FBXO42: variants seen among roughly 807,000 people sequenced by gnomAD.
FBXO42 encodes the protein F-box protein 42.
In FBXO42, 12 loss-of-function variants were observed where a neutral mutation model predicts 71.7. That is an observed-to-expected ratio of 0.17 (90% confidence interval 0.11 to 0.27). The LOEUF (loss-of-function observed/expected upper bound fraction) is 0.27, where lower values mean the gene tolerates loss of function less well. Ranked by LOEUF, FBXO42 falls within the 10% of genes least tolerant of loss-of-function variation. The pLI, the probability that FBXO42 is intolerant of heterozygous loss-of-function variation, is 1.00. For synonymous variants in FBXO42, 325 were observed against 327.5 expected (o/e 0.99, Z 0.08); for missense variants, 707 against 911.9 (o/e 0.78, Z 2.89).
intron 1 of FBXO42, among the ~76,000 whole-genome samples, chr1:16,333,438 C>CG (rs1557605491): frequency 1.9e-4 from 7 of 36,782 alleles, no homozygotes; most frequent in Non-Finnish European, 5.5e-4. Context: ...ATAGTGAGAC[C>CG]CCCCCCCCCC....
At chr1:16,278,865 G>A (rs553788223) in intron 4 of FBXO42, among the ~76,000 whole-genome samples, 20 of 152,048 alleles carry the variant, frequency 1.3e-4, no homozygotes, top group African/African-American at 3.9e-4. Flanking sequence ...CACAACCTCC[G>A]CCTTCTGGGT....
chr1:16,272,989 C>T (rs908083361), intron 4 of FBXO42, among the ~76,000 whole-genome samples: 4 of 152,176 alleles, frequency 2.6e-5, no homozygotes, highest in Non-Finnish European at 5.9e-5. Context: ...TTTGCCTGAC[C>T]TCTCAACCAA....
chr1:16,350,756 AAAAAGAAAGAAAGAAAGAAAG>A (rs1454546445), intron 1 of FBXO42, among the ~76,000 whole-genome samples: 2 of 128,484 alleles, frequency 1.6e-5, no homozygotes, highest in East Asian at 2.0e-4. Context: ...AAAAAAAAAA[AAAAAGAAAGAAAGAAAGAAAG>A]AAAGAAAGAA....
intron 1 of FBXO42, among the ~76,000 whole-genome samples, chr1:16,316,564 C>T (rs1245785015): frequency 3.3e-5 from 5 of 151,364 alleles, no homozygotes; most frequent in Non-Finnish European, 4.4e-5. Flanking sequence ...GGCGAAATCC[C>T]ATCTCTACTA....
chr1:16,256,302 G>A (rs563290171), intron 5 of FBXO42, among the ~76,000 whole-genome samples: 1 of 152,234 alleles, frequency 6.6e-6, no homozygotes, highest in Non-Finnish European at 1.5e-5. Flanking sequence ...TGGAGTGTTA[G>A]CAGCCAAAGC....
intron 4 of FBXO42, among the ~76,000 whole-genome samples, chr1:16,285,406 T>C (rs2082010977): frequency 6.6e-6 from 1 of 151,990 alleles, no homozygotes; most frequent in Admixed American, 6.5e-5. Flanking sequence ...CCTGAGTAGC[T>C]GGGATTATAG....
At chr1:16,320,468 T>A (rs1035577044) in intron 1 of FBXO42, among the ~76,000 whole-genome samples, 2 of 151,992 alleles carry the variant, frequency 1.3e-5, no homozygotes, top group African/African-American at 4.8e-5. Context: ...TCCTACTGGC[T>A]AACTTCACTG....
chr1:16,294,704 A>C, intron 4 of FBXO42, 79 bp downstream of exon 4: 1 of 1,512,132 alleles, frequency 6.6e-7, no homozygotes, highest in Non-Finnish European at 9.0e-7. Context: ...TGAGACCAAC[A>C]CCAAAAATGA....
chr1:16,253,800 T>C, intron 6 of FBXO42, 69 bp from the exon 7 acceptor site: 1 of 1,403,198 alleles, frequency 7.1e-7, no homozygotes, highest in Non-Finnish European at 1.0e-6. Context: ...GGCTGGGGAG[T>C]TCCACATGCC....
At chr1:16,341,594 T>G (rs1569948669) in intron 1 of FBXO42, among the ~76,000 whole-genome samples, 2 of 123,536 alleles carry the variant, frequency 1.6e-5, no homozygotes, top group African/African-American at 3.4e-5. Flanking sequence ...GGCAACCAAG[T>G]GAGACTGCGT....
intron 1 of FBXO42, among the ~76,000 whole-genome samples, chr1:16,322,278 C>G (rs182939626): frequency 1.3e-5 from 2 of 150,630 alleles, no homozygotes; most frequent in Non-Finnish European, 3.0e-5. Flanking sequence ...CTTTTTCTTC[C>G]GAAAAACTAC....
In FBXO42 at chr1:16,252,420, C is replaced by A. The variant is rs1347712193; in HGVS notation, c.922-16G>T. 2 of 1,599,832 alleles carry A rather than the reference C, an allele frequency of 1.3e-6. No individual in the cohort carries two copies. Among genetic ancestry groups the A allele is most frequent in the Non-Finnish European group, 1.7e-6 (2 of 1,167,518 alleles). Reference sequence around the variant, plus strand: ...CCTTGAATAGCTGTAAGAGAAAAAACCAATAACAAGACTCAGGTGTGATAT... The same window carrying A: ...CCTTGAATAGCTGTAAGAGAAAAAAACAATAACAAGACTCAGGTGTGATAT... On this transcript the variant is annotated splice_polypyrimidine_tract_variant and intron_variant, in intron 8 of 9. Coordinates refer to ENST00000375592, the MANE Select transcript of FBXO42 (RefSeq NM_018994.3). This position sits in a 1 kb window ranked among gnomAD's most constrained non-coding sequence, Gnocchi z 4.4.
chr1:16,265,887 G>A (rs1284016906), intron 4 of FBXO42, among the ~76,000 whole-genome samples: 1 of 152,042 alleles, frequency 6.6e-6, no homozygotes, highest in Non-Finnish European at 1.5e-5. Context: ...CTGAGTACAG[G>A]TGTCTTAGGC....
At chr1:16,274,668 T>C (rs886975853) in intron 4 of FBXO42, among the ~76,000 whole-genome samples, 3 of 138,818 alleles carry the variant, frequency 2.2e-5, no homozygotes, top group African/African-American at 7.9e-5. Flanking sequence ...CTTGGCTCAC[T>C]GCAACCTCCG....
chr1:16,277,336 G>A (rs1035079799), intron 4 of FBXO42, among the ~76,000 whole-genome samples: 36 of 152,224 alleles, frequency 2.4e-4, no homozygotes, highest in African/African-American at 8.2e-4. Context: ...ATATTAAAAA[G>A]CAGAATCGAA....
intron 1 of FBXO42, among the ~76,000 whole-genome samples, chr1:16,318,255 T>C (rs1216111440): frequency 1.3e-5 from 2 of 151,928 alleles, no homozygotes; most frequent in Non-Finnish European, 1.5e-5. Flanking sequence ...CCGTCTCTAC[T>C]AAAAACACAA....
intron 4 of FBXO42, among the ~76,000 whole-genome samples, chr1:16,283,363 C>A (rs1264602402): frequency 6.6e-6 from 1 of 152,032 alleles, no homozygotes; most frequent in Non-Finnish European, 1.5e-5. Context: ...AAAAGAAAAT[C>A]CTTGGGAAAG....
chr1:16,277,900 G>A (rs1205848179), intron 4 of FBXO42, among the ~76,000 whole-genome samples: 1 of 151,636 alleles, frequency 6.6e-6, no homozygotes, highest in Non-Finnish European at 1.5e-5. Flanking sequence ...AAATTAGCTG[G>A]GCTTGGTGGC....
chr1:16,264,253 A>T (rs1213746662), intron 4 of FBXO42, among the ~76,000 whole-genome samples: 1 of 152,210 alleles, frequency 6.6e-6, no homozygotes, highest in African/African-American at 2.4e-5. Context: ...TAAAACACAC[A>T]TATCTTCCAC....
Sources: allele counts gnomAD v4.1 joint callset (sites outside exome capture counted in the v4.1 genomes callset), GRCh38; gene constraint gnomAD v4.1.1; non-coding constraint Gnocchi (gnomAD v3.1); transcripts MANE v1.5; gene names NCBI Gene and HGNC (gene_info 2026-07-23, HGNC 2026-07-21).